The following ERN1 variants were observed in gnomAD, a reference collection of about 807,000 sequenced individuals.
ERN1 encodes the protein serine/threonine-protein kinase/endoribonuclease IRE1.
A neutral mutation model predicts 113.1 loss-of-function variants in ERN1; 39 were observed. The ratio of observed to expected loss-of-function variants is 0.34; its 90% CI spans 0.27 to 0.45. The LOEUF is 0.45. ERN1 is among the 20% of genes least tolerant of loss of function. The probability of loss-of-function intolerance (pLI) is 1.00; values close to 1 mark genes in which losing one functional copy is unlikely to be tolerated. For missense variants in ERN1, 976 were observed against 1,274.8 expected, an observed-to-expected ratio of 0.77 and a Z score of 3.57; for synonymous variants, 507 against 515.9, an observed-to-expected ratio of 0.98 and a Z score of 0.23.
Position 64,119,376 on chromosome 17 carries a change from G to GTTGTTTTTTTTTTTTTTTT in ERN1, c.54+10599_54+10600insAAAAAAAAAAAAAAAACAA, listed in dbSNP as rs777806993. Among the ~76,000 whole-genome samples, 7 of 77,894 alleles carry GTTGTTTTTTTTTTTTTTTT rather than the reference G, an allele frequency of 9.0e-5. 1 individual carries two copies. The highest frequency in any genetic ancestry group is 3.9e-4 in the African/African-American group (7 of 17,930). The allele number at this position is 77,894 out of a possible 152,430, so 51.1% of individuals were successfully genotyped here. On this transcript the variant is annotated intron_variant, in intron 1 of 21. Transcript: ENST00000433197. ...TAATATTAGGTTCCTTTTTTTCTAGGTTTTTTTTTTTTTTTTTTTTTTTTT... is the reference window on the plus strand; with the variant it reads ...TAATATTAGGTTCCTTTTTTTCTAGGTTGTTTTTTTTTTTTTTTTTTTTTTTTTTTTTTTTTTTTTTTTT...
intron 2 of ERN1, 179 bp downstream of exon 2, chr17:64,097,942 C>G: frequency 1.3e-6 from 1 of 744,270 alleles, no homozygotes; most frequent in Non-Finnish European, 2.1e-6. Flanking sequence ...AGTGGATAAC[C>G]ACAGCAAAGC....
intron 2 of ERN1, among the ~76,000 whole-genome samples, chr17:64,085,273 G>A (rs2143423090): frequency 6.6e-6 from 1 of 152,314 alleles, no homozygotes; most frequent in South Asian, 2.1e-4. Context: ...TGTACAAGAA[G>A]CATGGCATTA....
In ERN1 at chr17:64,095,375, G is replaced by C. The variant is rs138758984; in HGVS notation, c.175+2746C>G. ...ACCTAAGAGGCAAAGGTTTCAGTGA[G>C]CCAAGATCGCACCATTGCACTCCAG... On this transcript the variant is annotated intron_variant, in intron 2 of 21. Coordinates refer to ENST00000433197, the MANE Select transcript of ERN1 (RefSeq NM_001433.5). 5.0e-3 allele frequency among the ~76,000 whole-genome samples: 768 copies of C among 152,278 alleles called. 6 individuals are homozygous for C. Among genetic ancestry groups the C allele is most frequent in the Middle Eastern group, 0.027 (8 of 294 alleles).
rs555267633 is a variant in ERN1 at position 64,072,018 on chromosome 17, G to C, written c.441C>G (p.Leu147=). ...QTLSSAFADS[L]CPSTSLLYLG... is the part of the protein sequence containing the mutation. Reference sequence around the variant, plus strand: ...GATACAGAAGAGAGGTTGATGGGCAGAGACTATCTGCAAAGGCCGATGACA... The same window carrying C: ...GATACAGAAGAGAGGTTGATGGGCACAGACTATCTGCAAAGGCCGATGACA... Residue 147 remains leucine (L), a synonymous_variant, in exon 6 of 22, where the codon CTC becomes CTG. Transcript: ENST00000433197. 105 of 1,593,308 alleles carry C rather than the reference G, an allele frequency of 6.6e-5. No homozygotes were observed. Among genetic ancestry groups the C allele is most frequent in the Middle Eastern group, 1.7e-4 (1 of 6,038 alleles).
intron 6 of ERN1, among the ~76,000 whole-genome samples, chr17:64,069,087 CA>C (rs1020042673): frequency 3.3e-5 from 5 of 152,004 alleles, no homozygotes; most frequent in Non-Finnish European, 7.4e-5. Flanking sequence ...CTGCCAGCAA[CA>C]AAAAATGGGC....
intron 2 of ERN1, among the ~76,000 whole-genome samples, chr17:64,082,798 A>G (rs889806784): frequency 1.3e-5 from 2 of 152,164 alleles, no homozygotes; most frequent in Admixed American, 6.6e-5. Flanking sequence ...GGACATTGGC[A>G]GGAGACAGGG....
intron 12 of ERN1, among the ~76,000 whole-genome samples, chr17:64,057,143 C>T (rs998851287): frequency 1.3e-5 from 2 of 152,134 alleles, no homozygotes; most frequent in African/African-American, 4.8e-5. Flanking sequence ...TTCTCCCCAG[C>T]AGAAGTTCTA....
Position 64,080,804 on chromosome 17 carries a change from T to C in ERN1, c.180A>G (p.Pro60=). The change falls in exon 3 of 22, where the codon CCA becomes CCG. Residue 60 remains proline, a synonymous_variant. Transcript: ENST00000433197. The part of the protein sequence containing the change: ...GSIKWTLKED[P]VLQVPTHVEE... ...CCACATGTGTTGGGACCTGCAGGAC[T>C]GGATCTGTGCAAAAGAACAACAAAG... is the stretch of plus-strand genomic sequence containing the variant. 6.2e-7 allele frequency: 1 copy of C among 1,610,422 alleles called. No homozygotes were observed. The highest frequency in any genetic ancestry group is 8.5e-7 in the Non-Finnish European group (1 of 1,178,224).
chr17:64,059,245 C>A (rs1199285519), intron 11 of ERN1, among the ~76,000 whole-genome samples: 4 of 152,236 alleles, frequency 2.6e-5, no homozygotes, highest in African/African-American at 9.6e-5. Context: ...TAAACAGATA[C>A]TGTGCCCTGG....
Position 64,080,790 on chromosome 17 carries a change from G to A in ERN1, c.194C>T (p.Pro65Leu). The A allele has an allele frequency of 6.2e-7, 1 of 1,610,712 alleles. No individual in the cohort carries two copies. The highest frequency in any genetic ancestry group is 2.2e-5 in the East Asian group (1 of 44,836). Reference protein sequence around the residue: ...TLKEDPVLQVPTHVEEPAFLP... With the variant: ...TLKEDPVLQVLTHVEEPAFLP... ...GAAAACTTACTCTTCCACATGTGTT[G>A]GGACCTGCAGGACTGGATCTGTGCA... Residue 65 changes from proline (P) to leucine (L), a missense_variant, in exon 3 of 22, where the codon CCA becomes CTA. Physicochemically the swap from Pro to Leu is moderately conservative, Grantham distance 98 (BLOSUM62 -3). Transcript: ENST00000433197.
chr17:64,065,110 A>T (rs1913176871), intron 9 of ERN1, 99 bp downstream of exon 9: 1 of 732,954 alleles, frequency 1.4e-6, no homozygotes, highest in Non-Finnish European at 2.2e-6. Flanking sequence ...TGTGTTTTTC[A>T]TTCTTAACCT....
At chr17:64,109,190 T>C (rs1006254131) in intron 1 of ERN1, among the ~76,000 whole-genome samples, 17 of 152,052 alleles carry the variant, frequency 1.1e-4, no homozygotes, top group Non-Finnish European at 7.4e-5. Context: ...TTTAATTACA[T>C]ACCAAGTTTT....
intron 1 of ERN1, among the ~76,000 whole-genome samples, chr17:64,128,409 C>G (rs1324891362): frequency 6.6e-6 from 1 of 152,050 alleles, no homozygotes; most frequent in Non-Finnish European, 1.5e-5. Context: ...TTTCTAAATA[C>G]AAATTGGAAA....
At chr17:64,066,284 A>T (rs1913222089) in intron 8 of ERN1, among the ~76,000 whole-genome samples, 1 of 152,166 alleles carries the variant, frequency 6.6e-6, no homozygotes, top group East Asian at 1.9e-4. Flanking sequence ...TTACACTGGC[A>T]GTCTCTTTCC....
intron 6 of ERN1, among the ~76,000 whole-genome samples, chr17:64,068,849 A>T (rs779735219): frequency 6.6e-6 from 1 of 152,180 alleles, no homozygotes; most frequent in East Asian, 1.9e-4. Flanking sequence ...GAAGACAGAA[A>T]AAGTACCTAA....
At chr17:64,069,074 G>A (rs1913327709) in intron 6 of ERN1, among the ~76,000 whole-genome samples, 1 of 152,134 alleles carries the variant, frequency 6.6e-6, no homozygotes, top group Non-Finnish European at 1.5e-5. Context: ...CAAATCCAGG[G>A]TACTGCCAGC....
intron 2 of ERN1, among the ~76,000 whole-genome samples, chr17:64,082,793 T>C (rs1460428446): frequency 1.3e-5 from 2 of 152,158 alleles, no homozygotes; most frequent in African/African-American, 2.4e-5. Flanking sequence ...ATTCAGGACA[T>C]TGGCAGGAGA....
At chr17:64,079,525 A>G (rs1913700997) in intron 4 of ERN1, 137 bp downstream of exon 4, 1 of 637,964 alleles carries the variant, frequency 1.6e-6, no homozygotes, top group African/African-American at 1.8e-5. Flanking sequence ...GCTCCTCTCT[A>G]GACCACCTGA....
At chr17:64,093,762 G>A (rs1368669058) in intron 2 of ERN1, among the ~76,000 whole-genome samples, 2 of 152,190 alleles carry the variant, frequency 1.3e-5, no homozygotes, top group Non-Finnish European at 2.9e-5. Context: ...GGCAGTGGAA[G>A]GATGACACAA....
Sources: gnomAD v4.1 joint callset for allele counts (sites outside exome capture counted in the v4.1 genomes callset) on GRCh38, gnomAD v4.1.1 for gene constraint, MANE v1.5 for transcripts, NCBI Gene and HGNC (gene_info 2026-07-23, HGNC 2026-07-21) for gene names.